The following SLC25A21 variants were observed in gnomAD, a reference collection of about 807,000 sequenced individuals.
SLC25A21 encodes the protein solute carrier family 25 member 21.
Under a neutral mutation model 43.8 loss-of-function variants are expected in SLC25A21, and 47 were observed. The ratio of observed to expected loss-of-function variants is 1.07; its 90% CI spans 0.85 to 1.37. SLC25A21 has a LOEUF of 1.37. Among genes scored for constraint, SLC25A21 ranks in the 40% most tolerant of loss-of-function variants. The pLI is 0.00. For missense variants in SLC25A21, 352 were observed against 350.2 expected (o/e 1.00, Z -0.04); for synonymous variants, 131 against 121.3 (o/e 1.08, Z -0.52).
At chr14:37,149,868 T>G (rs954849798) in intron 1 of SLC25A21, among the ~76,000 whole-genome samples, 4 of 152,196 alleles carry the variant, frequency 2.6e-5, no homozygotes, top group African/African-American at 7.2e-5. Flanking sequence ...TTAAAAATTT[T>G]TTAAAGACAT....
chr14:36,979,337 T>G (rs1355112594), intron 1 of SLC25A21, among the ~76,000 whole-genome samples: 1 of 150,338 alleles, frequency 6.7e-6, no homozygotes. Flanking sequence ...TTTTGGTTTT[T>G]TTTTTTACTG....
chr14:36,883,447 C>T (rs990644440), intron 1 of SLC25A21, among the ~76,000 whole-genome samples: 17 of 152,176 alleles, frequency 1.1e-4, no homozygotes, highest in South Asian at 4.1e-4. Flanking sequence ...AATGTCTTCA[C>T]GCTGCTCTGC....
At chr14:37,076,763 C>T (rs1269128470) in intron 1 of SLC25A21, among the ~76,000 whole-genome samples, 1 of 152,038 alleles carries the variant, frequency 6.6e-6, no homozygotes, top group African/African-American at 2.4e-5. Flanking sequence ...GGACTACAGG[C>T]GTGAGCCACT....
intron 7 of SLC25A21, among the ~76,000 whole-genome samples, chr14:36,707,330 A>G (rs1254465306): frequency 6.6e-6 from 1 of 152,170 alleles, no homozygotes; most frequent in Non-Finnish European, 1.5e-5. Flanking sequence ...ATTGCCTTGT[A>G]AGTGCTGGGA....
intron 1 of SLC25A21, among the ~76,000 whole-genome samples, chr14:37,052,650 TC>T (rs11341640): frequency 0.44 from 66,891 of 151,374 alleles, 17,032 homozygotes; most frequent in African/African-American, 0.71. Context: ...ACTTTTTTTT[TC>T]CCCCCGAGAC....
At chr14:37,075,256 TTGG>T (rs1309653608) in intron 1 of SLC25A21, among the ~76,000 whole-genome samples, 2 of 152,172 alleles carry the variant, frequency 1.3e-5, no homozygotes, top group Admixed American at 6.5e-5. Context: ...TGGGTGGTTC[TTGG>T]TGGTATTTTC....
chr14:36,861,388 T>A (rs1463878291), intron 2 of SLC25A21, among the ~76,000 whole-genome samples: 1 of 152,186 alleles, frequency 6.6e-6, no homozygotes, highest in African/African-American at 2.4e-5. Flanking sequence ...TTGATTCCCA[T>A]ATGCTCGACT....
intron 3 of SLC25A21, among the ~76,000 whole-genome samples, chr14:36,798,072 G>C (rs1242613751): frequency 4.6e-5 from 7 of 152,170 alleles, no homozygotes; most frequent in Non-Finnish European, 8.8e-5. Flanking sequence ...AGTCGATGGT[G>C]ATTAGAAGTT....
chr14:36,679,433 G>T lies in SLC25A21; in HGVS notation c.*1225C>A. The T allele has an allele frequency of 1.0e-6, 1 of 985,012 alleles. No homozygotes were observed. Among genetic ancestry groups the T allele is most frequent in the Non-Finnish European group, 1.2e-6 (1 of 829,794 alleles). The allele number at this position is 985,012 out of a possible 1,614,324, so 61.0% of individuals were successfully genotyped here. On this transcript the variant is annotated 3_prime_UTR_variant, in exon 10 of 10. Coordinates refer to ENST00000331299, the MANE Select transcript of SLC25A21 (RefSeq NM_030631.4). The stretch of plus-strand genomic sequence containing the variant: ...AGCCCCGTAGTAGAAATAGCCCACG[G>T]TAGTAACTTAGGACAGGTGTCATAT...
At chr14:36,758,894 G>C (rs1203749811) in intron 3 of SLC25A21, among the ~76,000 whole-genome samples, 1 of 152,190 alleles carries the variant, frequency 6.6e-6, no homozygotes, top group Non-Finnish European at 1.5e-5. Context: ...ATTGAGAAAG[G>C]ATGCATTTCG....
intron 1 of SLC25A21, among the ~76,000 whole-genome samples, chr14:37,155,334 A>T (rs1963830103): frequency 6.6e-6 from 1 of 152,224 alleles, no homozygotes; most frequent in Admixed American, 6.5e-5. Context: ...AGTATCCTAG[A>T]GGACAAAGAA....
chr14:36,882,447 A>G (rs945208528), intron 1 of SLC25A21, among the ~76,000 whole-genome samples: 5 of 152,178 alleles, frequency 3.3e-5, no homozygotes, highest in African/African-American at 1.2e-4. Flanking sequence ...CCGATTCCCC[A>G]GCCATTGCAG....
chr14:36,920,748 A>G (rs1273845844), intron 1 of SLC25A21, among the ~76,000 whole-genome samples: 1 of 152,122 alleles, frequency 6.6e-6, no homozygotes, highest in African/African-American at 2.4e-5. Context: ...ACAAACTAAA[A>G]AACTCTTTAA....
chr14:36,858,723 T>C (rs1437000604), intron 2 of SLC25A21, among the ~76,000 whole-genome samples: 1 of 152,178 alleles, frequency 6.6e-6, no homozygotes, highest in Non-Finnish European at 1.5e-5. Flanking sequence ...ACTATCTCCC[T>C]GTACTACCCA....
chr14:37,019,950 T>C (rs892327607), intron 1 of SLC25A21, among the ~76,000 whole-genome samples: 1 of 151,964 alleles, frequency 6.6e-6, no homozygotes, highest in Non-Finnish European at 1.5e-5. Context: ...TGTAGTTCTA[T>C]CTCTCCTCAC....
At chr14:36,796,209 GT>G (rs1887663507) in intron 3 of SLC25A21, among the ~76,000 whole-genome samples, 1 of 152,122 alleles carries the variant, frequency 6.6e-6, no homozygotes, top group Non-Finnish European at 1.5e-5. Flanking sequence ...ATCTCTGCAT[GT>G]CAAAGCATTA....
At chr14:36,877,159 A>T (rs1890559289) in intron 1 of SLC25A21, among the ~76,000 whole-genome samples, 1 of 152,138 alleles carries the variant, frequency 6.6e-6, no homozygotes, top group Non-Finnish European at 1.5e-5. Flanking sequence ...CAAAGCAAGT[A>T]CACAAAGCTT....
At chr14:37,076,591 C>G (rs180944781) in intron 1 of SLC25A21, among the ~76,000 whole-genome samples, 1 of 150,632 alleles carries the variant, frequency 6.6e-6, no homozygotes, top group Admixed American at 6.6e-5. Flanking sequence ...CAGGTTCAAG[C>G]GATTCTCCTG....
intron 1 of SLC25A21, among the ~76,000 whole-genome samples, chr14:36,904,998 A>G (rs1234703786): frequency 6.6e-6 from 1 of 152,220 alleles, no homozygotes; most frequent in African/African-American, 2.4e-5. Context: ...AGATATGATT[A>G]GAATGAATCC....
Sources: gnomAD v4.1 joint callset for allele counts (sites outside exome capture counted in the v4.1 genomes callset) on GRCh38, gnomAD v4.1.1 for gene constraint, MANE v1.5 for transcripts, NCBI Gene and HGNC (gene_info 2026-07-23, HGNC 2026-07-21) for gene names.